The following UNC13C variants were observed in gnomAD, a reference collection of about 807,000 sequenced individuals.
UNC13C encodes unc-13 homolog C, also known as protein unc-13 homolog C.
In UNC13C, 174 loss-of-function variants were observed where a neutral mutation model predicts 245.4. That is an observed-to-expected ratio of 0.71 (90% CI 0.63 to 0.80). The LOEUF is 0.80. Among genes scored for constraint, UNC13C ranks in the 30% least tolerant of loss-of-function variants. The pLI is 0.00. For synonymous variants in UNC13C, 992 were observed against 895.1 expected (o/e 1.11, Z -1.93); for missense variants, 2,829 against 2,602.9 (o/e 1.09, Z -1.89).
At chr15:54,007,841 G>T (rs571392998) in intron 1 of UNC13C, among the ~76,000 whole-genome samples, 1 of 152,282 alleles carries the variant, frequency 6.6e-6, no homozygotes, top group Admixed American at 6.5e-5. Flanking sequence ...ATAAGGGCCA[G>T]TGAGACAAGC....
chr15:54,293,815 G>A, intron 10 of UNC13C, 80 bp from the exon 11 acceptor site: 1 of 1,198,550 alleles, frequency 8.3e-7, no homozygotes, highest in South Asian at 2.1e-5. Context: ...TTCTAGAATA[G>A]ATAGAAAATA....
intron 26 of UNC13C, among the ~76,000 whole-genome samples, chr15:54,536,938 T>C (rs1330623697): frequency 2.0e-5 from 3 of 152,056 alleles, no homozygotes; most frequent in Non-Finnish European, 2.9e-5. Flanking sequence ...GGATGCTCAC[T>C]CTCACTACTC....
intron 2 of UNC13C, chr15:54,049,794 C>T (rs1319086584): frequency 7.9e-6 from 2 of 252,144 alleles, no homozygotes; most frequent in Non-Finnish European, 1.6e-5. Flanking sequence ...ATCTGGAGCC[C>T]AGGCAACTAA....
At chr15:54,155,237 C>G (rs919847389) in intron 4 of UNC13C, among the ~76,000 whole-genome samples, 1 of 152,066 alleles carries the variant, frequency 6.6e-6, no homozygotes, top group African/African-American at 2.4e-5. Context: ...TATTCTGGAG[C>G]GGGGGCATTT....
At chr15:54,157,948 C>T (rs549258722) in intron 4 of UNC13C, among the ~76,000 whole-genome samples, 18 of 152,266 alleles carry the variant, frequency 1.2e-4, no homozygotes, top group African/African-American at 4.1e-4. Flanking sequence ...GGTCTTCTGC[C>T]TAAGAAAATG....
chr15:54,264,441 T>G (rs756319675), intron 9 of UNC13C, 46 bp downstream of exon 9: 2 of 1,398,708 alleles, frequency 1.4e-6, no homozygotes, highest in East Asian at 2.5e-5. Context: ...ATTGAGATTT[T>G]TATGTGCCCT....
intron 21 of UNC13C, 37 bp from the exon 22 acceptor site, chr15:54,500,798 G>A (rs1296246683): frequency 6.2e-7 from 1 of 1,601,742 alleles, no homozygotes; most frequent in Admixed American, 1.7e-5. Context: ...CGCCTCTAAT[G>A]TACTGTTTGG....
At chr15:54,035,358 T>A (rs1896532635) in intron 2 of UNC13C, among the ~76,000 whole-genome samples, 1 of 151,586 alleles carries the variant, frequency 6.6e-6, no homozygotes, top group African/African-American at 2.4e-5. Context: ...ATGTTTTTAT[T>A]TTTTTTTGTT....
In UNC13C at chr15:54,532,333, T is replaced by C. The variant is rs370287497; in HGVS notation, c.5547-584T>C. On this transcript the variant is annotated intron_variant, in intron 25 of 32. Transcript: ENST00000260323. ...CCCAGGAATCCCATTACTGGGTATA[T>C]ACTCAAAGGAATATAAATCATTCTA... Among the ~76,000 whole-genome samples the C allele has an allele frequency of 1.8e-3, 280 of 152,300 alleles. 2 individuals carry two copies. Among genetic ancestry groups the C allele is most frequent in the African/African-American group, 6.4e-3 (268 of 41,552 alleles).
In UNC13C at chr15:54,535,755, A is replaced by C. The variant is rs192643455; in HGVS notation, c.5696+2689A>C. On this transcript the variant is annotated intron_variant, in intron 26 of 32. Coordinates refer to ENST00000260323, the MANE Select transcript of UNC13C (RefSeq NM_001080534.3). Reference sequence around the variant, plus strand: ...ATTCTGCTCCTGAATGACTTTTGACAATGAATTTAAGACAGAAATCAAGTA... The same window carrying C: ...ATTCTGCTCCTGAATGACTTTTGACCATGAATTTAAGACAGAAATCAAGTA... 1.5e-4 allele frequency among the ~76,000 whole-genome samples: 23 copies of C among 152,276 alleles called. No individual in the cohort carries two copies. In the East Asian group the frequency reaches 4.4e-3, roughly 29 times the overall value.
chr15:54,230,564 T>C (rs1169801523), intron 4 of UNC13C, among the ~76,000 whole-genome samples: 12 of 152,092 alleles, frequency 7.9e-5, no homozygotes, highest in Non-Finnish European at 1.8e-4. Flanking sequence ...ATTTGTATAC[T>C]CTATTTTGCA....
intron 28 of UNC13C, among the ~76,000 whole-genome samples, chr15:54,549,965 T>A (rs1896664587): frequency 6.6e-6 from 1 of 152,126 alleles, no homozygotes; most frequent in South Asian, 2.1e-4. Flanking sequence ...TCCAGTGAAG[T>A]CTAGAGAAGT....
At chr15:54,025,393 T>C (rs1419659083) in intron 2 of UNC13C, among the ~76,000 whole-genome samples, 3 of 152,248 alleles carry the variant, frequency 2.0e-5, no homozygotes, top group African/African-American at 7.2e-5. Flanking sequence ...TCCTTTCTTA[T>C]GTGCCAGATA....
chr15:53,887,735 G>A, the UNC13C span, among the ~76,000 whole-genome samples: 1 of 151,994 alleles, frequency 6.6e-6, no homozygotes, highest in Admixed American at 6.6e-5. Flanking sequence ...CCGATAGTGT[G>A]ATGTTCCCCT....
intron 19 of UNC13C, among the ~76,000 whole-genome samples, chr15:54,456,973 G>A (rs1488824353): frequency 6.6e-6 from 1 of 152,052 alleles, no homozygotes; most frequent in Non-Finnish European, 1.5e-5. Context: ...CAGATGGAAT[G>A]CTTTCAACTT....
At chr15:54,160,926 C>G (rs1334032269) in intron 4 of UNC13C, among the ~76,000 whole-genome samples, 3 of 152,020 alleles carry the variant, frequency 2.0e-5, no homozygotes, top group Admixed American at 1.3e-4. Flanking sequence ...TATACTCTTT[C>G]AAATGTGAAA....
chr15:54,516,867 A>T (rs2141125116), intron 24 of UNC13C, among the ~76,000 whole-genome samples: 1 of 151,438 alleles, frequency 6.6e-6, no homozygotes, highest in East Asian at 1.9e-4. Context: ...TTTGTACACC[A>T]GTCCTGACCA....
intron 2 of UNC13C, among the ~76,000 whole-genome samples, chr15:54,137,331 G>T (rs977464033): frequency 6.6e-6 from 1 of 152,090 alleles, no homozygotes; most frequent in Non-Finnish European, 1.5e-5. Context: ...TCCTTGTCTG[G>T]CTTTGGTGTG....
At chr15:54,459,151 G>T (rs1187614282) in intron 19 of UNC13C, among the ~76,000 whole-genome samples, 2 of 152,090 alleles carry the variant, frequency 1.3e-5, no homozygotes, top group East Asian at 3.9e-4. Flanking sequence ...CATTTACGAA[G>T]CTTAGTTTCT....
Sources: allele counts gnomAD v4.1 joint callset (sites outside exome capture counted in the v4.1 genomes callset), GRCh38; gene constraint gnomAD v4.1.1; transcripts MANE v1.5; gene names NCBI Gene and HGNC (gene_info 2026-07-23, HGNC 2026-07-21).